The following MPP7 variants were observed in gnomAD, a reference collection of about 807,000 sequenced individuals.
MPP7 encodes the protein MAGUK p55 subfamily member 7.
A neutral mutation model predicts 76.5 loss-of-function variants in MPP7; 60 were observed. That is an observed-to-expected ratio of 0.78 (90% CI 0.64 to 0.97). The LOEUF is 0.97. Among genes scored for constraint, MPP7 ranks in the 50% least tolerant of loss-of-function variants. MPP7 has a pLI of 0.00. For missense variants in MPP7, 641 were observed against 694.0 expected (o/e 0.92, Z 0.86); for synonymous variants, 237 against 244.5 (o/e 0.97, Z 0.29).
chr10:28,326,692 G>A (rs751760146), intron 2 of MPP7, among the ~76,000 whole-genome samples: 8 of 152,134 alleles, frequency 5.3e-5, no homozygotes, highest in South Asian at 2.1e-4. Context: ...TGTCCACAGC[G>A]TAGTTTTACT....
intron 11 of MPP7, among the ~76,000 whole-genome samples, chr10:28,104,607 T>C (rs16928490): frequency 0.019 from 2,907 of 152,308 alleles, 103 homozygotes; most frequent in African/African-American, 0.066. Flanking sequence ...TGAGAGACTA[T>C]GATCAAACTT....
intron 2 of MPP7, among the ~76,000 whole-genome samples, chr10:28,203,407 T>C (rs1461609869): frequency 9.2e-5 from 14 of 151,510 alleles, no homozygotes; most frequent in Admixed American, 7.9e-4. Context: ...AGGTACCATA[T>C]TGAAAATTAA....
intron 1 of MPP7, among the ~76,000 whole-genome samples, chr10:28,290,291 T>A (rs75568192): frequency 4.3e-4 from 65 of 150,854 alleles, no homozygotes; most frequent in African/African-American, 1.5e-3. Context: ...CTTTCCTTTT[T>A]TTTTTTTTTT....
chr10:28,283,620 T>C (rs1840730404), intron 1 of MPP7, among the ~76,000 whole-genome samples: 1 of 152,000 alleles, frequency 6.6e-6, no homozygotes. Context: ...GTTCAAGCTA[T>C]TCTCCTGCCT....
intron 1 of MPP7, among the ~76,000 whole-genome samples, chr10:28,262,827 G>A (rs1384067438): frequency 2.0e-5 from 3 of 152,044 alleles, no homozygotes; most frequent in Non-Finnish European, 2.9e-5. Flanking sequence ...AGGCCGAGGT[G>A]GGCAGATCAT....
intron 1 of MPP7, among the ~76,000 whole-genome samples, chr10:28,262,185 TTATATA>T (rs766903338): frequency 0.016 from 991 of 60,082 alleles, 84 homozygotes; most frequent in African/African-American, 0.063. Context: ...AATAAATAAA[TTATATA>T]TATATATATA....
chr10:28,059,779 C>T (rs1851704252), intron 13 of MPP7, 36 bp from the exon 14 acceptor site: 3 of 1,346,324 alleles, frequency 2.2e-6, no homozygotes, highest in Non-Finnish European at 3.2e-6. Context: ...GAAAAGCCCA[C>T]ATCAGCCACC....
rs187474038 is a variant in MPP7, at chr10:28,136,130, C to T, written c.316-4439G>A. Among the ~76,000 whole-genome samples the T allele has an allele frequency of 1.3e-4, 20 of 151,290 alleles. No individual in the cohort carries two copies. In the East Asian group the frequency reaches 3.3e-3, roughly 25 times the overall value. On this transcript the variant is annotated intron_variant, in intron 5 of 16. Transcript: ENST00000683449. ...AATCTAATGCTTGATGATCTGTCGC[C>T]GTCTCCCATCACCACTACATGGGAT...
At chr10:28,230,603 C>T (rs1838847776) in intron 2 of MPP7, among the ~76,000 whole-genome samples, 1 of 152,108 alleles carries the variant, frequency 6.6e-6, no homozygotes, top group African/African-American at 2.4e-5. Context: ...CACTTGAGGT[C>T]AGAAGTTCAA....
intron 5 of MPP7, among the ~76,000 whole-genome samples, chr10:28,138,196 C>G (rs959084489): frequency 2.0e-5 from 3 of 152,172 alleles, no homozygotes; most frequent in Non-Finnish European, 4.4e-5. Flanking sequence ...ACTGTTTTAT[C>G]AAAAGTGAGC....
intron 11 of MPP7, among the ~76,000 whole-genome samples, chr10:28,098,838 T>C (rs1281632259): frequency 3.3e-5 from 5 of 151,366 alleles, no homozygotes; most frequent in African/African-American, 1.2e-4. Context: ...GTATAAAAAA[T>C]AAGAATATAA....
intron 1 of MPP7, among the ~76,000 whole-genome samples, chr10:28,255,911 G>A (rs1331481949): frequency 1.3e-5 from 2 of 152,202 alleles, no homozygotes; most frequent in East Asian, 1.9e-4. Flanking sequence ...GTGAAGAGGA[G>A]AGGGAAGAGA....
chr10:28,051,255 T>C lies in MPP7; in HGVS notation c.*2810A>G, dbSNP rs1213509818. ...ATCCTTCCTAGTCAAAATAAAATAA[T>C]AAAAATCTGTATCTTTAGAAAGAAC... On this transcript the variant is annotated 3_prime_UTR_variant, in exon 17 of 17. Transcript: ENST00000683449. The C allele has an allele frequency of 6.6e-6, 1 of 152,162 alleles. No homozygotes were observed. The highest frequency in any genetic ancestry group is 1.5e-5 in the Non-Finnish European group (1 of 68,004). 9.4% of individuals were successfully genotyped at this position (152,162 alleles called of 1,614,324 possible). A position where few individuals can be genotyped will look rare whatever the true frequency, so the allele number is the denominator to read the frequency against.
intron 1 of MPP7, among the ~76,000 whole-genome samples, chr10:28,264,894 T>G (rs1229569857): frequency 5.9e-5 from 9 of 152,106 alleles, no homozygotes; most frequent in Admixed American, 3.3e-4. Context: ...AAGAGAGACT[T>G]TCAGGAAGAA....
chr10:28,321,752 T>C (rs568308164), intron 2 of MPP7, among the ~76,000 whole-genome samples: 159 of 152,094 alleles, frequency 1.0e-3, no homozygotes, highest in African/African-American at 3.2e-3. Context: ...ACCCGGCTAA[T>C]TTTTATATTT....
intron 12 of MPP7, among the ~76,000 whole-genome samples, chr10:28,088,855 A>G (rs534554419): frequency 6.6e-6 from 1 of 152,168 alleles, no homozygotes; most frequent in Non-Finnish European, 1.5e-5. Context: ...GATGTTTGTG[A>G]AAATACCCAC....
chr10:28,116,681 T>C (rs2133589906), intron 11 of MPP7, among the ~76,000 whole-genome samples: 1 of 152,260 alleles, frequency 6.6e-6, no homozygotes, highest in South Asian at 2.1e-4. Flanking sequence ...AGGAGACAAG[T>C]CCTTATATCC....
chr10:28,130,078 A>C (rs61842987), intron 6 of MPP7, among the ~76,000 whole-genome samples: 1 of 152,144 alleles, frequency 6.6e-6, no homozygotes, highest in Non-Finnish European at 1.5e-5. Flanking sequence ...CCTTGAGCAG[A>C]TGCAACCTAG....
rs927470107 is a variant in MPP7, at chr10:28,052,539, T to C, written c.*1526A>G. On this transcript the variant is annotated 3_prime_UTR_variant, in exon 17 of 17. Coordinates refer to ENST00000683449, the MANE Select transcript of MPP7 (RefSeq NM_001318170.2). ...TGCTATCAAATGTGCAGTGCACAGATCGCACACTTGGATCTATCTTTGTAA... is the reference window on the plus strand; with the variant it reads ...TGCTATCAAATGTGCAGTGCACAGACCGCACACTTGGATCTATCTTTGTAA... The C allele has an allele frequency of 6.6e-6, 1 of 152,622 alleles. No homozygotes were observed. The highest frequency in any genetic ancestry group is 1.5e-5 in the Non-Finnish European group (1 of 68,036). 9.5% of individuals were successfully genotyped at this position (152,622 alleles called of 1,614,324 possible).
Sources: allele counts gnomAD v4.1 joint callset (sites outside exome capture counted in the v4.1 genomes callset), GRCh38; gene constraint gnomAD v4.1.1; transcripts MANE v1.5; gene names NCBI Gene and HGNC (gene_info 2026-07-23, HGNC 2026-07-21).